The following APLF variants were observed in gnomAD, a reference collection of about 807,000 sequenced individuals.
APLF encodes the protein aprataxin and PNKP like factor.
In APLF, 61 loss-of-function variants were observed where a neutral mutation model predicts 55.6. The ratio of observed to expected loss-of-function variants is 1.10; its 90% confidence interval spans 0.89 to 1.36. The LOEUF (loss-of-function observed/expected upper bound fraction) is 1.36, where lower values mean the gene tolerates loss of function less well. Ranked by LOEUF, APLF falls within the 40% of genes most tolerant of loss-of-function variation. The pLI is 0.00. For missense variants in APLF, 611 were observed against 602.5 expected (o/e 1.01, Z -0.15); for synonymous variants, 207 against 214.8 (o/e 0.96, Z 0.32).
chr2:68,518,965 A>G (rs1239275715), intron 5 of APLF, among the ~76,000 whole-genome samples: 1 of 119,530 alleles, frequency 8.4e-6, no homozygotes, highest in Non-Finnish European at 1.6e-5. Flanking sequence ...AATAATACAT[A>G]ATAATATGCT....
At chr2:68,567,458 G>C (rs1480105191) in intron 9 of APLF, 71 bp downstream of exon 9, 5 of 1,196,330 alleles carry the variant, frequency 4.2e-6, no homozygotes, top group Non-Finnish European at 5.9e-6. Flanking sequence ...CTAGTTTCCA[G>C]TTATTATGAA....
intron 5 of APLF, among the ~76,000 whole-genome samples, chr2:68,523,476 C>T (rs987508085): frequency 3.3e-4 from 50 of 151,858 alleles, no homozygotes; most frequent in African/African-American, 1.2e-3. Flanking sequence ...TACTTTTAGT[C>T]CTGTATATGT....
chr2:68,539,773 G>T (rs550533096), intron 7 of APLF, among the ~76,000 whole-genome samples: 103 of 152,184 alleles, frequency 6.8e-4, no homozygotes, highest in African/African-American at 2.4e-3. Flanking sequence ...AATATCTACA[G>T]AAACCAACAG....
At position 68,579,411 on chromosome 2, in the gene APLF, A is replaced by G. The variant is rs573631166; in HGVS notation, c.*1389A>G. On this transcript the variant is annotated 3_prime_UTR_variant, in exon 10 of 10. Transcript: ENST00000303795. ...TATTCTCATCCCTGCCACTAACTTA[A>G]TCCTTGAAGTGTTACATAATCTACT... is the stretch of plus-strand genomic sequence containing the variant. The G allele has an allele frequency of 6.2e-5, 60 of 975,314 alleles. 1 individual carries two copies. The African/African-American group carries it at 8.4e-4, about 14-fold the overall frequency. 60.4% of individuals were successfully genotyped at this position (975,314 alleles called of 1,614,324 possible).
chr2:68,545,576 G>A (rs1405155339), intron 8 of APLF, among the ~76,000 whole-genome samples: 1 of 152,090 alleles, frequency 6.6e-6, no homozygotes, highest in Non-Finnish European at 1.5e-5. Flanking sequence ...CTTAAAAGCT[G>A]TTGATGCTAC....
chr2:68,576,269 C>T (rs1671619256), intron 9 of APLF, among the ~76,000 whole-genome samples: 1 of 152,062 alleles, frequency 6.6e-6, no homozygotes, highest in Non-Finnish European at 1.5e-5. Context: ...TTCTCATTCC[C>T]TTTCCCGACT....
chr2:68,577,791 G>A, intron 9 of APLF, 29 bp from the exon 10 acceptor site: 2 of 1,607,424 alleles, frequency 1.2e-6, no homozygotes, highest in East Asian at 2.2e-5. Context: ...GGTGATTGAT[G>A]TGTTGTGTAC....
intron 7 of APLF, among the ~76,000 whole-genome samples, chr2:68,538,500 A>C (rs1670460601): frequency 6.7e-6 from 1 of 149,088 alleles, no homozygotes; most frequent in Admixed American, 6.7e-5. Flanking sequence ...ATGAAGACTG[A>C]ATCCCCCAGA....
chr2:68,561,607 T>C (rs1202152056), intron 8 of APLF, among the ~76,000 whole-genome samples: 1 of 152,132 alleles, frequency 6.6e-6, no homozygotes, highest in Non-Finnish European at 1.5e-5. Flanking sequence ...CATTGTTTCC[T>C]GAGGAAGTAA....
At chr2:68,527,033 C>T (rs182017044) in intron 6 of APLF, among the ~76,000 whole-genome samples, 30 of 152,336 alleles carry the variant, frequency 2.0e-4, no homozygotes, top group Non-Finnish European at 3.8e-4. Context: ...TGGGCAGAGA[C>T]GCTCCTCACT....
intron 8 of APLF, among the ~76,000 whole-genome samples, chr2:68,553,738 T>A (rs1171797512): frequency 6.6e-6 from 1 of 152,104 alleles, no homozygotes; most frequent in Non-Finnish European, 1.5e-5. Context: ...CTGTTTTCCA[T>A]GACAGATGAC....
At chr2:68,473,567 G>A (rs1341676276) in intron 1 of APLF, among the ~76,000 whole-genome samples, 2 of 152,134 alleles carry the variant, frequency 1.3e-5, no homozygotes, top group Non-Finnish European at 2.9e-5. Flanking sequence ...GTAATAGTAT[G>A]TTTAGTGTTG....
intron 9 of APLF, among the ~76,000 whole-genome samples, chr2:68,571,139 G>A (rs533660940): frequency 3.3e-5 from 5 of 152,078 alleles, no homozygotes; most frequent in Admixed American, 6.5e-5. Flanking sequence ...TTTTTGATGG[G>A]GTTGTTTTTT....
At chr2:68,572,484 A>G (rs1216369859) in intron 9 of APLF, among the ~76,000 whole-genome samples, 3 of 152,202 alleles carry the variant, frequency 2.0e-5, no homozygotes, top group Non-Finnish European at 4.4e-5. Context: ...ATGTTAAGCT[A>G]TTAATCTGCT....
At chr2:68,505,888 T>C (rs1014459925) in intron 3 of APLF, among the ~76,000 whole-genome samples, 13 of 152,104 alleles carry the variant, frequency 8.5e-5, no homozygotes, top group East Asian at 3.9e-4. Flanking sequence ...CTCCAGCCCC[T>C]TTTCCCTCCC....
intron 8 of APLF, among the ~76,000 whole-genome samples, chr2:68,551,269 A>G (rs1670851978): frequency 6.6e-6 from 1 of 151,934 alleles, no homozygotes; most frequent in Non-Finnish European, 1.5e-5. Context: ...ACCACTCTTA[A>G]GATTTTTATC....
intron 9 of APLF, among the ~76,000 whole-genome samples, chr2:68,575,168 G>A (rs1427191039): frequency 6.6e-6 from 1 of 152,162 alleles, no homozygotes; most frequent in East Asian, 1.9e-4. Context: ...GATGGTAAAA[G>A]AAGCACTCTG....
Position 68,579,518 on chromosome 2 carries a change from G to A in APLF, c.*1496G>A. The A allele has an allele frequency of 1.7e-6, 1 of 593,060 alleles. No homozygotes were observed. The highest frequency in any genetic ancestry group is 2.1e-6 in the Non-Finnish European group (1 of 472,218). 36.7% of individuals were successfully genotyped at this position (593,060 alleles called of 1,614,324 possible). On this transcript the variant is annotated 3_prime_UTR_variant, in exon 10 of 10. Transcript: ENST00000303795. Reference sequence around the variant, plus strand: ...GTCAATAGAAGCATTATTCTTAACAGCCAAAAAGTATAAACACCCAAAGTC... The same window carrying A: ...GTCAATAGAAGCATTATTCTTAACAACCAAAAAGTATAAACACCCAAAGTC...
chr2:68,510,920 C>T (rs940181970), intron 3 of APLF, among the ~76,000 whole-genome samples: 41 of 151,792 alleles, frequency 2.7e-4, no homozygotes, highest in African/African-American at 8.4e-4. Context: ...AAGCTAGACA[C>T]GAAAGACCAC....
Sources: allele counts gnomAD v4.1 joint callset (sites outside exome capture counted in the v4.1 genomes callset), GRCh38; gene constraint gnomAD v4.1.1; transcripts MANE v1.5; gene names NCBI Gene and HGNC (gene_info 2026-07-23, HGNC 2026-07-21).